The following TTLL5 variants were observed in gnomAD, a reference collection of about 807,000 sequenced individuals.
TTLL5 encodes the protein tubulin polyglutamylase TTLL5.
A neutral mutation model predicts 168.4 loss-of-function variants in TTLL5; 132 were observed. The ratio of observed to expected loss-of-function variants is 0.78; its 90% CI spans 0.68 to 0.91. The LOEUF is 0.91. Ranked by LOEUF, TTLL5 falls within the 40% of genes least tolerant of loss-of-function variation. The pLI is 0.00. For missense variants in TTLL5, 1,545 were observed against 1,581.5 expected, an observed-to-expected ratio of 0.98 and a Z score of 0.39; for synonymous variants, 546 against 558.6, an observed-to-expected ratio of 0.98 and a Z score of 0.32.
intron 7 of TTLL5, among the ~76,000 whole-genome samples, chr14:75,704,994 T>C (rs1056193841): frequency 3.2e-4 from 48 of 152,248 alleles, no homozygotes; most frequent in Admixed American, 1.2e-3. Flanking sequence ...TAGATATTTA[T>C]TGTAGCCTAT....
intron 12 of TTLL5, among the ~76,000 whole-genome samples, chr14:75,731,396 CACACACACACACA>C (rs1888533546): frequency 6.6e-6 from 1 of 151,096 alleles, no homozygotes; most frequent in Non-Finnish European, 1.5e-5. Context: ...CACACACACA[CACACACACACACA>C]CACACACACA....
intron 27 of TTLL5, among the ~76,000 whole-genome samples, chr14:75,809,570 TG>T (rs1300662103): frequency 6.6e-6 from 1 of 152,200 alleles, no homozygotes; most frequent in Non-Finnish European, 1.5e-5. Flanking sequence ...TTCTTTGTGT[TG>T]GGAACATTAA....
Position 75,843,020 on chromosome 14 carries a change from A to C in TTLL5, c.3327-20647A>C, listed in dbSNP as rs28427234. On this transcript the variant is annotated intron_variant, in intron 28 of 31. Transcript: ENST00000298832. Reference sequence around the variant, plus strand: ...AACAGCAAAGCACCTGCTTGCTAAAACTCCTTTCAGTATGCCCAAATTTCT... The same window carrying C: ...AACAGCAAAGCACCTGCTTGCTAAACCTCCTTTCAGTATGCCCAAATTTCT... Among the ~76,000 whole-genome samples the C allele has an allele frequency of 6.5e-3, 985 of 151,836 alleles. 10 individuals are homozygous for C. Among genetic ancestry groups the C allele is most frequent in the African/African-American group, 0.023 (955 of 41,400 alleles).
intron 5 of TTLL5, 68 bp from the exon 6 acceptor site, chr14:75,690,124 G>A (rs1885344287): frequency 6.4e-7 from 1 of 1,572,362 alleles, no homozygotes; most frequent in African/African-American, 1.4e-5. Flanking sequence ...TAACTCTTTA[G>A]AATGTGATAA....
At position 75,663,206 on chromosome 14, in the gene TTLL5, G is replaced by A. The variant is rs759706247; in HGVS notation, c.57G>A (p.Glu19=). 1.2e-6 allele frequency: 2 copies of A among 1,613,070 alleles called. No homozygotes were observed. Among genetic ancestry groups the A allele is most frequent in the South Asian group, 2.2e-5 (2 of 90,606 alleles). ...LEETASSSED[E]EVISQEDHPC... ...AAACAGCATCATCCTCAGAGGATGA[G>A]GAGGTCATAAGTCAAGAGTAAGTAA... The change falls in exon 2 of 32, where the codon GAG becomes GAA. Residue 19 remains glutamate (E), a synonymous_variant. Transcript: ENST00000298832.
At chr14:75,771,902 T>C (rs1891346585) in intron 21 of TTLL5, 48 bp downstream of exon 21, 2 of 1,541,220 alleles carry the variant, frequency 1.3e-6, no homozygotes, top group African/African-American at 1.5e-5. Flanking sequence ...TTTTCTTTCT[T>C]CTTTCTGTAT....
intron 31 of TTLL5, among the ~76,000 whole-genome samples, chr14:75,909,896 C>T (rs2033300893): frequency 6.6e-6 from 1 of 152,236 alleles, no homozygotes; most frequent in African/African-American, 2.4e-5. Flanking sequence ...GTCCTGAGGC[C>T]TCTTGCATTT....
chr14:75,823,574 C>CT (rs1894955307), intron 28 of TTLL5, among the ~76,000 whole-genome samples: 1 of 152,178 alleles, frequency 6.6e-6, no homozygotes, highest in Non-Finnish European at 1.5e-5. Flanking sequence ...TGTCTGGCTC[C>CT]TGCCCCTTTG....
intron 27 of TTLL5, among the ~76,000 whole-genome samples, chr14:75,816,324 G>A (rs1441786963): frequency 1.2e-4 from 19 of 152,186 alleles, no homozygotes; most frequent in Admixed American, 1.2e-3. Flanking sequence ...GGAGGCTGAG[G>A]CAGGAGAATC....
intron 2 of TTLL5, among the ~76,000 whole-genome samples, chr14:75,669,201 T>G (rs1828609425): frequency 6.6e-6 from 1 of 152,224 alleles, no homozygotes; most frequent in Non-Finnish European, 1.5e-5. Flanking sequence ...GTATCTTGAT[T>G]GGCTGAAACC....
At chr14:75,752,090 C>G (rs200826502) in intron 17 of TTLL5, among the ~76,000 whole-genome samples, 2 of 152,116 alleles carry the variant, frequency 1.3e-5, no homozygotes, top group East Asian at 3.9e-4. Context: ...CTCTCACTGC[C>G]ATCTTGGTTT....
At chr14:75,758,073 A>G (rs1362223749) in intron 18 of TTLL5, among the ~76,000 whole-genome samples, 2 of 152,252 alleles carry the variant, frequency 1.3e-5, no homozygotes, top group African/African-American at 4.8e-5. Flanking sequence ...CTACAGGTAT[A>G]CTATTCTAAC....
chr14:75,885,897 G>T (rs1209351880), intron 30 of TTLL5, among the ~76,000 whole-genome samples: 1 of 152,268 alleles, frequency 6.6e-6, no homozygotes, highest in East Asian at 1.9e-4. Context: ...TCAGTGTTAG[G>T]TACTATTATG....
At chr14:75,939,669 A>G (rs1270294868) in intron 31 of TTLL5, among the ~76,000 whole-genome samples, 1 of 152,172 alleles carries the variant, frequency 6.6e-6, no homozygotes, top group African/African-American at 2.4e-5. Flanking sequence ...GATTATAGGC[A>G]TGAGCCACCA....
At chr14:75,830,753 C>T (rs959512416) in intron 28 of TTLL5, among the ~76,000 whole-genome samples, 1 of 152,054 alleles carries the variant, frequency 6.6e-6, no homozygotes. Flanking sequence ...TTATTGTATC[C>T]CAGTGCCTTG....
At chr14:75,790,333 A>G (rs548783995) in intron 26 of TTLL5, among the ~76,000 whole-genome samples, 2 of 152,210 alleles carry the variant, frequency 1.3e-5, no homozygotes, top group Admixed American at 6.5e-5. Context: ...CAATAGAAAA[A>G]TGATACCAGA....
chr14:75,728,295 G>A (rs1396940684), intron 12 of TTLL5, among the ~76,000 whole-genome samples: 1 of 150,498 alleles, frequency 6.6e-6, no homozygotes, highest in Non-Finnish European at 1.5e-5. Flanking sequence ...GGTGGAGATT[G>A]CAGCGAGCCG....
intron 31 of TTLL5, among the ~76,000 whole-genome samples, chr14:75,942,762 G>A (rs2034650816): frequency 6.6e-6 from 1 of 152,190 alleles, no homozygotes; most frequent in Non-Finnish European, 1.5e-5. Context: ...TGTTAGTTGG[G>A]TGCTAACGAA....
At chr14:75,845,711 AC>A (rs1445565208) in intron 28 of TTLL5, among the ~76,000 whole-genome samples, 1 of 152,168 alleles carries the variant, frequency 6.6e-6, no homozygotes, top group East Asian at 1.9e-4. Context: ...TAGAGGTGAT[AC>A]CATTTGTCCA....
Sources: gnomAD v4.1 joint callset for allele counts (sites outside exome capture counted in the v4.1 genomes callset) on GRCh38, gnomAD v4.1.1 for gene constraint, MANE v1.5 for transcripts, NCBI Gene and HGNC (gene_info 2026-07-23, HGNC 2026-07-21) for gene names.